The following MAGI2 variants were observed in gnomAD, a reference collection of about 807,000 sequenced individuals.
The protein encoded by MAGI2 is membrane associated guanylate kinase, WW and PDZ domain containing 2.
MAGI2 carries 35 observed loss-of-function variants against 133.3 expected under a neutral mutation model. That is an observed-to-expected ratio of 0.26 (90% CI 0.20 to 0.35). The LOEUF is 0.35. Ranked by LOEUF, MAGI2 falls within the 10% of genes least tolerant of loss-of-function variation. The probability of loss-of-function intolerance (pLI) is 1.00; values close to 1 mark genes in which losing one functional copy is unlikely to be tolerated. For synonymous variants in MAGI2, 729 were observed against 710.6 expected (o/e 1.03, Z -0.41); for missense variants, 1,636 against 1,863.4 (o/e 0.88, Z 2.25).
rs569182321 is a variant in MAGI2, at chr7:78,474,672, T to C, written c.1045+15089A>G. On this transcript the variant is annotated intron_variant, in intron 6 of 21. Transcript: ENST00000354212. ...CTGCATGGCAAATAGACAAATAAGATCAGGAGATTGTCAACCCATACATAT... is the reference window on the plus strand; with the variant it reads ...CTGCATGGCAAATAGACAAATAAGACCAGGAGATTGTCAACCCATACATAT... Among the ~76,000 whole-genome samples, 27 of 151,912 alleles carry C rather than the reference T, an allele frequency of 1.8e-4. 1 individual carries two copies. The highest frequency in any genetic ancestry group is 6.5e-4 in the African/African-American group (27 of 41,482).
At chr7:79,016,521 C>A (rs558046699) in intron 1 of MAGI2, among the ~76,000 whole-genome samples, 1 of 152,220 alleles carries the variant, frequency 6.6e-6, no homozygotes, top group Non-Finnish European at 1.5e-5. Context: ...CCACCTATGC[C>A]CTTCTCCTAC....
At chr7:78,688,821 A>G (rs1305814881) in intron 2 of MAGI2, among the ~76,000 whole-genome samples, 1 of 152,212 alleles carries the variant, frequency 6.6e-6, no homozygotes, top group Non-Finnish European at 1.5e-5. Context: ...CTAAAATACA[A>G]CTGACAAATG....
intron 10 of MAGI2, among the ~76,000 whole-genome samples, chr7:78,227,908 G>A (rs944793447): frequency 7.2e-6 from 1 of 139,728 alleles, no homozygotes; most frequent in Non-Finnish European, 1.6e-5. Flanking sequence ...AGCATCATTG[G>A]TTATTGTGAA....
chr7:78,992,307 CG>C (rs778112397), intron 2 of MAGI2, among the ~76,000 whole-genome samples: 3 of 151,932 alleles, frequency 2.0e-5, no homozygotes, highest in African/African-American at 4.8e-5. Flanking sequence ...GAGAATAGGA[CG>C]TATGTCTTAA....
chr7:79,011,671 CA>C (rs2116581475), intron 1 of MAGI2, among the ~76,000 whole-genome samples: 1 of 152,240 alleles, frequency 6.6e-6, no homozygotes, highest in Non-Finnish European at 1.5e-5. Context: ...GGGTTTGGCT[CA>C]TTTTGATGTA....
At chr7:78,791,099 C>A (rs1393897173) in intron 2 of MAGI2, among the ~76,000 whole-genome samples, 6 of 152,060 alleles carry the variant, frequency 3.9e-5, no homozygotes, top group Non-Finnish European at 5.9e-5. Flanking sequence ...TTGAGAAAAA[C>A]AACAGGTTTG....
chr7:78,613,081 A>G (rs38101), intron 3 of MAGI2, among the ~76,000 whole-genome samples: 125,165 of 152,158 alleles, frequency 0.82, 52,065 homozygotes, highest in Middle Eastern at 0.93. Flanking sequence ...TCAGGCAAAT[A>G]TAAGTACATA....
chr7:78,515,156 A>C lies in MAGI2; in HGVS notation c.754+6274T>G, dbSNP rs182855381. Among the ~76,000 whole-genome samples, 211 of 152,336 alleles carry C rather than the reference A, an allele frequency of 1.4e-3. 3 individuals carry two copies. The highest frequency in any genetic ancestry group is 0.011 in the Admixed American group (173 of 15,304). On this transcript the variant is annotated intron_variant, in intron 4 of 21. Transcript: ENST00000354212. ...GGAAAAGTTTAGCAGGTAACTCATGAAATAAAAGAAATCCAAGAAAGCTTA... is the reference window on the plus strand; with the variant it reads ...GGAAAAGTTTAGCAGGTAACTCATGCAATAAAAGAAATCCAAGAAAGCTTA...
At chr7:78,162,913 T>C (rs1233622401) in intron 15 of MAGI2, among the ~76,000 whole-genome samples, 1 of 152,208 alleles carries the variant, frequency 6.6e-6, no homozygotes, top group Non-Finnish European at 1.5e-5. Flanking sequence ...GAGACGGTCT[T>C]CTTTCCAATG....
intron 3 of MAGI2, among the ~76,000 whole-genome samples, chr7:78,604,771 T>G (rs975595675): frequency 4.6e-5 from 7 of 152,240 alleles, no homozygotes; most frequent in African/African-American, 1.7e-4. Context: ...ATACCAATTG[T>G]TGTTTTACAT....
intron 9 of MAGI2, among the ~76,000 whole-genome samples, chr7:78,314,321 G>C (rs1423619339): frequency 6.6e-6 from 1 of 152,062 alleles, no homozygotes; most frequent in Non-Finnish European, 1.5e-5. Context: ...ACTTCCAGTG[G>C]ATATAAAAAT....
chr7:78,432,578 T>TCTGTTC (rs1799903064), intron 6 of MAGI2, among the ~76,000 whole-genome samples: 1 of 152,062 alleles, frequency 6.6e-6, no homozygotes, highest in African/African-American at 2.4e-5. Context: ...CAGAACATAT[T>TCTGTTC]AGTATTTTGT....
chr7:79,252,627 G>A (rs901691076), intron 1 of MAGI2, among the ~76,000 whole-genome samples: 10 of 152,180 alleles, frequency 6.6e-5, no homozygotes, highest in South Asian at 2.1e-4. Flanking sequence ...GTAACACAAC[G>A]AATGAATAAA....
chr7:78,101,452 A>C (rs1478257290), intron 20 of MAGI2, among the ~76,000 whole-genome samples: 1 of 152,204 alleles, frequency 6.6e-6, no homozygotes, highest in Non-Finnish European at 1.5e-5. Flanking sequence ...ACAATGAGGA[A>C]AGGATTGTCT....
chr7:78,870,865 C>A (rs368540798), intron 2 of MAGI2, among the ~76,000 whole-genome samples: 1 of 152,046 alleles, frequency 6.6e-6, no homozygotes, highest in East Asian at 1.9e-4. Flanking sequence ...TACTACACAG[C>A]CATAGAAAGG....
intron 2 of MAGI2, among the ~76,000 whole-genome samples, chr7:78,756,136 G>A (rs1251231502): frequency 6.6e-6 from 1 of 152,122 alleles, no homozygotes; most frequent in African/African-American, 2.4e-5. Flanking sequence ...GGTGGTGCTT[G>A]CCAGATAATG....
intron 6 of MAGI2, among the ~76,000 whole-genome samples, chr7:78,423,797 G>A (rs1237430043): frequency 6.6e-6 from 1 of 152,150 alleles, no homozygotes; most frequent in Non-Finnish European, 1.5e-5. Flanking sequence ...GAGCCTTGAA[G>A]TTGAGAGAGA....
intron 1 of MAGI2, among the ~76,000 whole-genome samples, chr7:79,132,955 C>T (rs574940464): frequency 1.1e-4 from 17 of 151,956 alleles, no homozygotes; most frequent in East Asian, 3.9e-4. Context: ...TATTCTTTTG[C>T]GAAATGTTCA....
chr7:78,457,333 A>G (rs575207430), intron 6 of MAGI2, among the ~76,000 whole-genome samples: 10 of 152,268 alleles, frequency 6.6e-5, no homozygotes, highest in Non-Finnish European at 1.0e-4. Flanking sequence ...ATGCTTTGGG[A>G]ATTCTTTTGG....
Sources: gnomAD v4.1 joint callset for allele counts (sites outside exome capture counted in the v4.1 genomes callset) on GRCh38, gnomAD v4.1.1 for gene constraint, MANE v1.5 for transcripts, NCBI Gene and HGNC (gene_info 2026-07-23, HGNC 2026-07-21) for gene names.